The following TMEM45A variants were observed in gnomAD, a reference collection of about 807,000 sequenced individuals.
TMEM45A encodes DNA polymerase-transactivated protein 4.
Under a neutral mutation model 32.0 loss-of-function variants are expected in TMEM45A, and 25 were observed. The observed-to-expected ratio is 0.78, with a 90% CI of 0.57 to 1.09. The LOEUF is 1.09. TMEM45A is among the 50% of genes least tolerant of loss of function. The pLI, the probability that TMEM45A is intolerant of heterozygous loss-of-function variation, is 0.00. For missense variants in TMEM45A, 302 were observed against 325.0 expected, an observed-to-expected ratio of 0.93 and a Z score of 0.54; for synonymous variants, 122 against 114.8, an observed-to-expected ratio of 1.06 and a Z score of -0.40.
At chr3:100,532,319 G>A (rs1257528121) in intron 1 of TMEM45A, among the ~76,000 whole-genome samples, 1 of 152,186 alleles carries the variant, frequency 6.6e-6, no homozygotes, top group Non-Finnish European at 1.5e-5. Flanking sequence ...TCCTTGTAAG[G>A]CCTGATAACT....
At chr3:100,508,297 G>A (rs980776260) in intron 1 of TMEM45A, among the ~76,000 whole-genome samples, 4 of 152,098 alleles carry the variant, frequency 2.6e-5, no homozygotes, top group South Asian at 2.1e-4. Context: ...CAACTGCAGC[G>A]TGGTGCCCTT....
chr3:100,516,613 C>G (rs1478378266), intron 1 of TMEM45A, among the ~76,000 whole-genome samples: 2 of 152,118 alleles, frequency 1.3e-5, no homozygotes, highest in Admixed American at 6.6e-5. Context: ...CTCATGATTG[C>G]CTTTCTGTCA....
chr3:100,536,018 T>A (rs576096431), intron 1 of TMEM45A, among the ~76,000 whole-genome samples: 5 of 152,028 alleles, frequency 3.3e-5, no homozygotes. Context: ...GTGACAAGAG[T>A]GAGAATTTGC....
intron 4 of TMEM45A, among the ~76,000 whole-genome samples, chr3:100,567,266 C>T (rs9850973): frequency 0.015 from 2,317 of 151,652 alleles, 51 homozygotes; most frequent in African/African-American, 0.053. Flanking sequence ...GAAGACTGTT[C>T]TTTCCCCATT....
intron 5 of TMEM45A, chr3:100,574,578 A>G (rs1706642259): frequency 6.6e-6 from 1 of 152,342 alleles, no homozygotes; most frequent in Non-Finnish European, 1.5e-5. Flanking sequence ...GGTCCCTCCA[A>G]GAATTTTTAC....
At position 100,556,910 on chromosome 3, in the gene TMEM45A, C is replaced by T. The variant is rs1331629626; in HGVS notation, c.341C>T (p.Thr114Ile). ...LLGVADILCF[T>I]ISSLPVSLTK... ...GGTGTGGCAGATATCTTATGTTTCA[C>T]CATCAGTTCACTTCCTGTGTCCTTA... Residue 114 changes from threonine (T) to isoleucine (I), a missense_variant, in exon 3 of 6, where the codon ACC becomes ATC. Physicochemically the swap from Thr to Ile is moderately conservative, Grantham distance 89 (BLOSUM62 -1). Coordinates refer to ENST00000323523, the MANE Select transcript of TMEM45A (RefSeq NM_018004.3). The T allele has an allele frequency of 3.7e-6, 6 of 1,614,062 alleles. No homozygotes were observed. In the African/African-American group the frequency reaches 8.0e-5, roughly 22 times the overall value.
At chr3:100,552,739 T>A (rs542001048) in intron 1 of TMEM45A, among the ~76,000 whole-genome samples, 8 of 152,312 alleles carry the variant, frequency 5.3e-5, no homozygotes, top group Middle Eastern at 3.4e-3. Flanking sequence ...AAATATATGA[T>A]CTTGTGTTAT....
In TMEM45A at chr3:100,531,510, G is replaced by C. The variant is rs1328944546; in HGVS notation, c.-3-23699G>C. ...CAAGCAGCACTGCTTTAATTATCAA[G>C]GGTTAAGGAAGAAAGAAGATGGGCT... is the stretch of plus-strand genomic sequence containing the variant. On this transcript the variant is annotated intron_variant, in intron 1 of 5. Coordinates refer to ENST00000323523, the MANE Select transcript of TMEM45A (RefSeq NM_018004.3). 2.0e-5 allele frequency among the ~76,000 whole-genome samples: 3 copies of C among 152,196 alleles called. No homozygotes were observed. The East Asian group carries it at 5.8e-4, about 29-fold the overall frequency.
At position 100,514,217 on chromosome 3, in the gene TMEM45A, T is replaced by C. The variant is rs1384974792; in HGVS notation, c.-4+21289T>C. 7.2e-5 allele frequency among the ~76,000 whole-genome samples: 11 copies of C among 152,290 alleles called. No individual in the cohort carries two copies. The East Asian group carries it at 2.1e-3, about 29-fold the overall frequency. ...AGCTGGAGGCATCATGCTACCTGAC[T>C]TCAAACTATACTACAAGGCTACAGT... On this transcript the variant is annotated intron_variant, in intron 1 of 5. Transcript: ENST00000323523.
intron 1 of TMEM45A, among the ~76,000 whole-genome samples, chr3:100,523,692 T>TCTCCTTCTCCTCCTCCTCCTTTCTC (rs1705482152): frequency 1.4e-5 from 1 of 69,464 alleles, no homozygotes; most frequent in Non-Finnish European, 2.4e-5. Context: ...TTCTCCTCCT[T>TCTCCTTCTCCTCCTCCTCCTTTCTC]CTCCTTCTCC....
At chr3:100,517,611 CTTAA>C (rs887030378) in intron 1 of TMEM45A, among the ~76,000 whole-genome samples, 1 of 152,126 alleles carries the variant, frequency 6.6e-6, no homozygotes, top group African/African-American at 2.4e-5. Flanking sequence ...CATATTTTTC[CTTAA>C]TTGTCAAAGA....
intron 1 of TMEM45A, among the ~76,000 whole-genome samples, chr3:100,547,068 A>T (rs1705992329): frequency 1.3e-5 from 2 of 152,190 alleles, no homozygotes; most frequent in African/African-American, 4.8e-5. Flanking sequence ...TTTTATAAAC[A>T]GCCAATTAAC....
chr3:100,558,059 C>G (rs548715417), intron 3 of TMEM45A, among the ~76,000 whole-genome samples: 1 of 152,292 alleles, frequency 6.6e-6, no homozygotes, highest in South Asian at 2.1e-4. Context: ...TATGGAGATT[C>G]CAACTTCGTC....
Position 100,542,863 on chromosome 3 carries a change from A to C in TMEM45A, c.-3-12346A>C, listed in dbSNP as rs571894451. Reference sequence around the variant, plus strand: ...AATACATGGGCATACAGATGACAATAATAGGCATTGGGGACCACTAGAGGA... The same window carrying C: ...AATACATGGGCATACAGATGACAATCATAGGCATTGGGGACCACTAGAGGA... On this transcript the variant is annotated intron_variant, in intron 1 of 5. Coordinates refer to ENST00000323523, the MANE Select transcript of TMEM45A (RefSeq NM_018004.3). 7.9e-5 allele frequency among the ~76,000 whole-genome samples: 12 copies of C among 152,268 alleles called. No homozygotes were observed. The East Asian group carries it at 2.1e-3, about 27-fold the overall frequency.
At chr3:100,516,023 A>G (rs1708256754) in intron 1 of TMEM45A, among the ~76,000 whole-genome samples, 1 of 152,204 alleles carries the variant, frequency 6.6e-6, no homozygotes, top group Non-Finnish European at 1.5e-5. Flanking sequence ...GAAATGATAA[A>G]TGTTTCAGGG....
At chr3:100,525,179 C>T (rs1045223522) in intron 1 of TMEM45A, among the ~76,000 whole-genome samples, 1 of 151,706 alleles carries the variant, frequency 6.6e-6, no homozygotes, top group Non-Finnish European at 1.5e-5. Flanking sequence ...CAAAGCAAGA[C>T]CTTGTCTCTG....
chr3:100,514,812 C>T (rs1280378047), intron 1 of TMEM45A, among the ~76,000 whole-genome samples: 26 of 150,844 alleles, frequency 1.7e-4, no homozygotes, highest in Admixed American at 1.5e-3. Context: ...AAAAAGTGGG[C>T]GAAGGACATG....
intron 4 of TMEM45A, 94 bp downstream of exon 4, chr3:100,558,683 C>T (rs868724077): frequency 6.5e-6 from 8 of 1,230,662 alleles, no homozygotes; most frequent in Non-Finnish European, 8.1e-6. Flanking sequence ...GACTTCCCTC[C>T]AACATACTGC....
At chr3:100,495,126 G>A (rs1707904583) in intron 1 of TMEM45A, among the ~76,000 whole-genome samples, 1 of 152,216 alleles carries the variant, frequency 6.6e-6, no homozygotes, top group African/African-American at 2.4e-5. Flanking sequence ...TTAACTGAGT[G>A]CTGACCACTT....
Sources: allele counts gnomAD v4.1 joint callset (sites outside exome capture counted in the v4.1 genomes callset), GRCh38; gene constraint gnomAD v4.1.1; transcripts MANE v1.5; gene names NCBI Gene and HGNC (gene_info 2026-07-23, HGNC 2026-07-21).